Variants in MOB3B observed in about 807,000 individuals in gnomAD.
The protein encoded by MOB3B is MOB kinase activator-like 2B.
MOB3B carries 7 observed loss-of-function variants against 18.7 expected under a neutral mutation model. The ratio of observed to expected loss-of-function variants is 0.37; its 90% confidence interval spans 0.21 to 0.70. MOB3B has a LOEUF of 0.70. MOB3B is among the 30% of genes least tolerant of loss of function. The pLI, the probability that MOB3B is intolerant of heterozygous loss-of-function variation, is 0.52. For synonymous variants in MOB3B, 111 were observed against 99.9 expected, an observed-to-expected ratio of 1.11 and a Z score of -0.66; for missense variants, 253 against 281.3, an observed-to-expected ratio of 0.90 and a Z score of 0.72.
At chr9:27,385,834 G>C (rs545582934) in intron 2 of MOB3B, among the ~76,000 whole-genome samples, 3 of 152,244 alleles carry the variant, frequency 2.0e-5, no homozygotes, top group African/African-American at 7.2e-5. Context: ...CCTTTTGACA[G>C]TTTGCTGTGG....
intron 2 of MOB3B, among the ~76,000 whole-genome samples, chr9:27,377,635 G>T (rs554913507): frequency 3.1e-4 from 47 of 152,322 alleles, no homozygotes; most frequent in Middle Eastern, 3.4e-3. Flanking sequence ...CAAGTTCCCA[G>T]GTGAGGTTTA....
intron 2 of MOB3B, among the ~76,000 whole-genome samples, chr9:27,422,518 C>T (rs1170079851): frequency 2.0e-5 from 3 of 152,172 alleles, no homozygotes; most frequent in African/African-American, 4.8e-5. Flanking sequence ...AACCAAGATG[C>T]CATATTTAAT....
chr9:27,450,060 G>T (rs940579959), intron 2 of MOB3B, among the ~76,000 whole-genome samples: 1 of 151,382 alleles, frequency 6.6e-6, no homozygotes, highest in Non-Finnish European at 1.5e-5. Flanking sequence ...TGTCTGAGAA[G>T]ATTATCCCTA....
chr9:27,331,582 T>A (rs566648566), intron 3 of MOB3B, among the ~76,000 whole-genome samples: 1 of 152,238 alleles, frequency 6.6e-6, no homozygotes, highest in Non-Finnish European at 1.5e-5. Context: ...TGTGCTTTCA[T>A]CTTTGTAGCC....
At chr9:27,483,419 A>C (rs1000600397) in intron 1 of MOB3B, among the ~76,000 whole-genome samples, 57 of 152,184 alleles carry the variant, frequency 3.7e-4, no homozygotes, top group Non-Finnish European at 5.9e-5. Context: ...GGCGTGAGCC[A>C]CCGCGCCCGG....
intron 2 of MOB3B, chr9:27,378,247 A>G (rs1359451153): frequency 4.8e-6 from 2 of 419,718 alleles, no homozygotes; most frequent in Non-Finnish European, 9.9e-6. Flanking sequence ...TTGCTTCTAG[A>G]CTGAAAAGAC....
intron 2 of MOB3B, among the ~76,000 whole-genome samples, chr9:27,436,478 C>T (rs1245615099): frequency 6.6e-5 from 10 of 152,170 alleles, no homozygotes; most frequent in African/African-American, 2.4e-4. Flanking sequence ...GTGTTTCGCA[C>T]ATTAGCTCAC....
intron 1 of MOB3B, among the ~76,000 whole-genome samples, chr9:27,492,878 T>C (rs1819841909): frequency 6.6e-6 from 1 of 152,200 alleles, no homozygotes; most frequent in Admixed American, 6.5e-5. Context: ...TCAGCTATTA[T>C]TTGCTGTGTG....
At chr9:27,429,684 G>A (rs984184685) in intron 2 of MOB3B, among the ~76,000 whole-genome samples, 1 of 152,160 alleles carries the variant, frequency 6.6e-6, no homozygotes, top group African/African-American at 2.4e-5. Flanking sequence ...GATGGATGCT[G>A]TGGCTGTTGC....
At chr9:27,467,125 A>T (rs1214934506) in intron 1 of MOB3B, among the ~76,000 whole-genome samples, 1 of 151,548 alleles carries the variant, frequency 6.6e-6, no homozygotes, top group Non-Finnish European at 1.5e-5. Context: ...ATAACAAGTT[A>T]AAAAAAAAGT....
At chr9:27,405,640 C>T (rs1340124176) in intron 2 of MOB3B, among the ~76,000 whole-genome samples, 3 of 151,770 alleles carry the variant, frequency 2.0e-5, no homozygotes, top group Non-Finnish European at 2.9e-5. Context: ...GAGGTCTTAC[C>T]CTAATACCAA....
chr9:27,478,136 G>A (rs889104574), intron 1 of MOB3B, among the ~76,000 whole-genome samples: 2 of 152,200 alleles, frequency 1.3e-5, no homozygotes, highest in African/African-American at 4.8e-5. Flanking sequence ...GGCTGTGTAA[G>A]TATCTTGAAC....
chr9:27,524,785 C>G (rs773487277), intron 1 of MOB3B: 5 of 1,614,022 alleles, frequency 3.1e-6, no homozygotes, highest in Admixed American at 3.3e-5. Flanking sequence ...ATGAAACCCT[C>G]AGAAGCCAGG....
intron 2 of MOB3B, among the ~76,000 whole-genome samples, chr9:27,447,329 T>A (rs894022321): frequency 2.0e-5 from 3 of 152,152 alleles, no homozygotes; most frequent in Non-Finnish European, 4.4e-5. Context: ...ACCTCCACAG[T>A]ACAGGCTTCG....
intron 2 of MOB3B, among the ~76,000 whole-genome samples, chr9:27,388,783 C>T (rs997987288): frequency 1.3e-5 from 2 of 152,068 alleles, no homozygotes; most frequent in South Asian, 2.1e-4. Flanking sequence ...CAGTACGTGC[C>T]TTGGCCATCT....
chr9:27,331,211 A>G (rs1365001325), intron 3 of MOB3B, among the ~76,000 whole-genome samples: 2 of 152,162 alleles, frequency 1.3e-5, no homozygotes, highest in African/African-American at 4.8e-5. Context: ...GTATTTATAG[A>G]TCCCGAATAG....
At chr9:27,382,341 C>G (rs952397613) in intron 2 of MOB3B, among the ~76,000 whole-genome samples, 4 of 152,136 alleles carry the variant, frequency 2.6e-5, no homozygotes, top group Admixed American at 6.5e-5. Flanking sequence ...TCTACACAGC[C>G]TTCTCTGCCT....
At chr9:27,343,445 T>C (rs1587142922) in intron 3 of MOB3B, among the ~76,000 whole-genome samples, 2 of 110,346 alleles carry the variant, frequency 1.8e-5, no homozygotes, top group East Asian at 2.7e-4. Context: ...AATCCCCCTC[T>C]CCGAGAAACA....
chr9:27,326,233 A>T lies in MOB3B; in HGVS notation c.*4354T>A. 2.6e-6 allele frequency: 1 copy of T among 378,164 alleles called. No individual in the cohort carries two copies. Among genetic ancestry groups the T allele is most frequent in the Non-Finnish European group, 4.7e-6 (1 of 213,662 alleles). The allele number at this position is 378,164 out of a possible 1,614,324, so 23.4% of individuals were successfully genotyped here. A position where few individuals can be genotyped will look rare whatever the true frequency, so the allele number is the denominator to read the frequency against. ...AGAGAGTGATGTGGAGAGCTTTGGGAAGGTTTCACGTTGAGTTACATCAGT... is the reference window on the plus strand; with the variant it reads ...AGAGAGTGATGTGGAGAGCTTTGGGTAGGTTTCACGTTGAGTTACATCAGT... On this transcript the variant is annotated 3_prime_UTR_variant, in exon 4 of 4. Coordinates refer to ENST00000262244, the MANE Select transcript of MOB3B (RefSeq NM_024761.5).
Sources: gnomAD v4.1 joint callset for allele counts (sites outside exome capture counted in the v4.1 genomes callset) on GRCh38, gnomAD v4.1.1 for gene constraint, MANE v1.5 for transcripts, NCBI Gene and HGNC (gene_info 2026-07-23, HGNC 2026-07-21) for gene names.